The following TBCD variants were observed in gnomAD, a reference collection of about 807,000 sequenced individuals.
TBCD encodes the protein tubulin-specific chaperone D.
Under a neutral mutation model 169.3 loss-of-function variants are expected in TBCD, and 105 were observed. The ratio of observed to expected loss-of-function variants is 0.62; its 90% confidence interval spans 0.53 to 0.73. The LOEUF is 0.73. TBCD is among the 30% of genes least tolerant of loss of function. TBCD has a pLI of 0.00. For missense variants in TBCD, 1,444 were observed against 1,600.1 expected, an observed-to-expected ratio of 0.90 and a Z score of 1.66; for synonymous variants, 700 against 643.9, an observed-to-expected ratio of 1.09 and a Z score of -1.32.
In TBCD at chr17:82,920,661, G is replaced by T; in HGVS notation, c.2101+43G>T. 1.4e-6 allele frequency: 2 copies of T among 1,476,922 alleles called. No homozygotes were observed. The highest frequency in any genetic ancestry group is 1.8e-6 in the Non-Finnish European group (2 of 1,090,192). 91.5% of individuals were successfully genotyped at this position (1,476,922 alleles called of 1,614,324 possible). ...TAATAATAGCATTTTCTTACAGAATGACTTCAGATTAAAAGGTAAAAATGA... is the reference window on the plus strand; with the variant it reads ...TAATAATAGCATTTTCTTACAGAATTACTTCAGATTAAAAGGTAAAAATGA... On this transcript the variant is annotated intron_variant, in intron 24 of 38. Coordinates refer to ENST00000355528, the MANE Select transcript of TBCD (RefSeq NM_005993.5). The surrounding 1 kb of genome is among the most constrained non-coding windows in gnomAD (Gnocchi z 4.1).
rs989847448 is a variant in TBCD, at chr17:82,890,347, C to T, written c.1563+650C>T. 4.6e-5 allele frequency among the ~76,000 whole-genome samples: 7 copies of T among 152,116 alleles called. No homozygotes were observed. Among genetic ancestry groups the T allele is most frequent in the African/African-American group, 1.7e-4 (7 of 41,410 alleles). ...CTGGACCTGGGCGGGGAGCAAAGTTCCCACGAGAAGTCAGCCGAGAAGGCT... is the reference window on the plus strand; with the variant it reads ...CTGGACCTGGGCGGGGAGCAAAGTTTCCACGAGAAGTCAGCCGAGAAGGCT... On this transcript the variant is annotated intron_variant, in intron 16 of 38. Transcript: ENST00000355528. The surrounding 1 kb of genome is among the most constrained non-coding windows in gnomAD (Gnocchi z 5.3).
chr17:82,830,917 A>G (rs891340443), intron 13 of TBCD: 5 of 1,613,036 alleles, frequency 3.1e-6, no homozygotes, highest in Middle Eastern at 1.6e-4. Flanking sequence ...GAGCTTGCTT[A>G]GAAAAGCAAC....
intron 8 of TBCD, among the ~76,000 whole-genome samples, chr17:82,799,161 C>T (rs372951903): frequency 7.9e-5 from 12 of 152,186 alleles, no homozygotes; most frequent in South Asian, 6.2e-4. Context: ...AGAAGCTATC[C>T]GGACTGGGCG....
intron 18 of TBCD, among the ~76,000 whole-genome samples, 152 bp downstream of exon 18, chr17:82,900,883 C>T (rs2059843260): frequency 6.6e-6 from 1 of 152,204 alleles, no homozygotes; most frequent in Non-Finnish European, 1.5e-5. Flanking sequence ...GTCTTCATGC[C>T]GGATGTGTTG....
intron 13 of TBCD, among the ~76,000 whole-genome samples, chr17:82,818,355 C>T (rs899618878): frequency 3.7e-4 from 56 of 152,326 alleles, no homozygotes; most frequent in Non-Finnish European, 1.3e-4. Flanking sequence ...GAGATCCCAT[C>T]TTGGGGCTGA....
At chr17:82,770,798 G>A (rs1172323054) in intron 5 of TBCD, among the ~76,000 whole-genome samples, 2 of 151,568 alleles carry the variant, frequency 1.3e-5, no homozygotes, top group Non-Finnish European at 2.9e-5. Context: ...GGTGGATCAC[G>A]AGGTCAGGAG....
At chr17:82,799,777 A>G (rs1239925931) in intron 8 of TBCD, among the ~76,000 whole-genome samples, 5 of 152,196 alleles carry the variant, frequency 3.3e-5, no homozygotes, top group African/African-American at 1.2e-4. Flanking sequence ...TGACGTGAAC[A>G]CAGACCTCCC....
At chr17:82,810,544 A>G (rs192715027) in intron 12 of TBCD, among the ~76,000 whole-genome samples, 1 of 152,212 alleles carries the variant, frequency 6.6e-6, no homozygotes, top group Non-Finnish European at 1.5e-5. Context: ...TGTGGGTGGT[A>G]AGTTGTGGGC....
At chr17:82,794,747 T>A (rs1568143562) in intron 7 of TBCD, among the ~76,000 whole-genome samples, 1 of 152,258 alleles carries the variant, frequency 6.6e-6, no homozygotes, top group Non-Finnish European at 1.5e-5. Flanking sequence ...ACTCGTTCCT[T>A]CCCTGTCGTC....
chr17:82,887,168 T>TGTGTGCGCGCGCACGCGCGC, intron 15 of TBCD, among the ~76,000 whole-genome samples: 1 of 126,102 alleles, frequency 7.9e-6, no homozygotes, highest in African/African-American at 3.3e-5. Flanking sequence ...TGTGTGTGTG[T>TGTGTGCGCGCGCACGCGCGC]GCGCGCGCGC....
chr17:82,911,998 A>G (rs2060679937), intron 23 of TBCD, among the ~76,000 whole-genome samples: 1 of 151,736 alleles, frequency 6.6e-6, no homozygotes, highest in Non-Finnish European at 1.5e-5. Flanking sequence ...GAGAGAGAGA[A>G]AGAGGAAGTT....
At chr17:82,852,244 C>T (rs949052731) in intron 13 of TBCD, among the ~76,000 whole-genome samples, 2 of 151,526 alleles carry the variant, frequency 1.3e-5, no homozygotes, top group African/African-American at 4.9e-5. Flanking sequence ...CCCTGTGGTC[C>T]TCTGTGGTGG....
intron 22 of TBCD, among the ~76,000 whole-genome samples, chr17:82,910,609 C>T (rs983970223): frequency 6.6e-6 from 1 of 151,974 alleles, no homozygotes; most frequent in Non-Finnish European, 1.5e-5. Flanking sequence ...CTCTGTCGCC[C>T]AGGCTGGAGT....
Position 82,752,362 on chromosome 17 carries a change from C to T in TBCD, c.169C>T (p.Leu57=), listed in dbSNP as rs2047142309. 2 of 1,365,180 alleles carry T rather than the reference C, an allele frequency of 1.5e-6. No individual in the cohort carries two copies. The highest frequency in any genetic ancestry group is 1.9e-6 in the Non-Finnish European group (2 of 1,070,154). The allele number at this position is 1,365,180 out of a possible 1,614,324, so 84.6% of individuals were successfully genotyped here. Residue 57 remains leucine, a synonymous_variant, in exon 1 of 39, where the codon CTG becomes TTG. Coordinates refer to ENST00000355528, the MANE Select transcript of TBCD (RefSeq NM_005993.5). ...HGGGAEREVA[L]ERFRVIMDKY... Reference sequence around the variant, plus strand: ...CGGCGGCGCGGAGCGCGAGGTGGCCCTGGAGCGGTTCCGCGGTGCGTGGGC... The same window carrying T: ...CGGCGGCGCGGAGCGCGAGGTGGCCTTGGAGCGGTTCCGCGGTGCGTGGGC...
intron 16 of TBCD, among the ~76,000 whole-genome samples, chr17:82,891,129 T>A (rs1225318727): frequency 6.6e-6 from 1 of 152,220 alleles, no homozygotes; most frequent in East Asian, 1.9e-4. Flanking sequence ...CAGATGCTGC[T>A]TCCTGGGAGG....
chr17:82,854,554 G>A (rs149981010), intron 13 of TBCD, among the ~76,000 whole-genome samples: 88 of 152,278 alleles, frequency 5.8e-4, no homozygotes, highest in Non-Finnish European at 1.0e-3. Context: ...TTGTATGGGG[G>A]TGTACAGATA....
At position 82,892,346 on chromosome 17, in the gene TBCD, C is replaced by T. The variant is rs543590537; in HGVS notation, c.1564-1201C>T. ...TGTCTTTCTGCAGAGTGAGCCGCAA[C>T]AGCTCCACCTGGGTGCAGGTTTCTC... is the stretch of plus-strand genomic sequence containing the variant. On this transcript the variant is annotated intron_variant, in intron 16 of 38. Transcript: ENST00000355528. Among the ~76,000 whole-genome samples the T allele has an allele frequency of 2.6e-4, 40 of 152,286 alleles. 1 individual carries two copies. The South Asian group carries it at 8.1e-3, about 31-fold the overall frequency.
chr17:82,905,007 C>A (rs549779707), intron 19 of TBCD, among the ~76,000 whole-genome samples: 2 of 152,332 alleles, frequency 1.3e-5, no homozygotes, highest in African/African-American at 4.8e-5. Context: ...CAAACCATCG[C>A]AAGCCTGGCA....
At chr17:82,755,829 G>T (rs563905704) in intron 1 of TBCD, among the ~76,000 whole-genome samples, 13 of 152,328 alleles carry the variant, frequency 8.5e-5, no homozygotes, top group African/African-American at 3.1e-4. Flanking sequence ...GGCCCTTAAC[G>T]GCTGGCAGAG....
Sources: gnomAD v4.1 joint callset for allele counts (sites outside exome capture counted in the v4.1 genomes callset) on GRCh38, gnomAD v4.1.1 for gene constraint, Gnocchi (gnomAD v3.1) non-coding constraint, MANE v1.5 for transcripts, NCBI Gene and HGNC (gene_info 2026-07-23, HGNC 2026-07-21) for gene names.